NTRK3: variants seen among roughly 807,000 people sequenced by gnomAD.
NTRK3 encodes the protein neurotrophic receptor tyrosine kinase 3.
A neutral mutation model predicts 91.7 loss-of-function variants in NTRK3; 24 were observed. The ratio of observed to expected loss-of-function variants is 0.26; its 90% confidence interval spans 0.19 to 0.37. The LOEUF is 0.37. Among genes scored for constraint, NTRK3 ranks in the 10% least tolerant of loss-of-function variants. The pLI, the probability that NTRK3 is intolerant of heterozygous loss-of-function variation, is 1.00. For missense variants in NTRK3, 880 were observed against 1,068.9 expected (o/e 0.82, Z 2.46); for synonymous variants, 483 against 404.0 (o/e 1.20, Z -2.34).
At chr15:88,128,139 CAG>C (rs1317576377) in intron 11 of NTRK3, among the ~76,000 whole-genome samples, 1 of 152,158 alleles carries the variant, frequency 6.6e-6, no homozygotes, top group Non-Finnish European at 1.5e-5. Flanking sequence ...GGAATAAACA[CAG>C]GTTTCCCTAC....
chr15:88,009,382 A>G (rs546353212), intron 14 of NTRK3, among the ~76,000 whole-genome samples: 23 of 152,228 alleles, frequency 1.5e-4, no homozygotes, highest in Admixed American at 3.9e-4. Flanking sequence ...GACAATAAGG[A>G]GAAAAGGAGA....
intron 14 of NTRK3, among the ~76,000 whole-genome samples, chr15:87,982,239 G>A (rs966543290): frequency 6.6e-5 from 10 of 152,174 alleles, no homozygotes; most frequent in Non-Finnish European, 1.2e-4. Context: ...GATAGCATAA[G>A]AGGCACTGCT....
chr15:88,014,680 C>CA (rs529466642), intron 14 of NTRK3, among the ~76,000 whole-genome samples: 12 of 152,154 alleles, frequency 7.9e-5, no homozygotes, highest in South Asian at 2.1e-4. Flanking sequence ...TTCCACCTGC[C>CA]AAAAAAACAG....
intron 16 of NTRK3, among the ~76,000 whole-genome samples, chr15:87,932,321 G>C (rs1187658560): frequency 6.6e-6 from 1 of 152,164 alleles, no homozygotes; most frequent in Non-Finnish European, 1.5e-5. Context: ...GTGCTTCCCT[G>C]TATGGTAAAA....
chr15:88,199,108 G>C (rs2048073681), intron 3 of NTRK3, among the ~76,000 whole-genome samples: 1 of 152,210 alleles, frequency 6.6e-6, no homozygotes, highest in Non-Finnish European at 1.5e-5. Flanking sequence ...CAGGGACAGG[G>C]TGGGGTGGGG....
intron 17 of NTRK3, among the ~76,000 whole-genome samples, chr15:87,920,436 G>C (rs1396397485): frequency 2.0e-5 from 3 of 152,102 alleles, no homozygotes; most frequent in Non-Finnish European, 4.4e-5. Flanking sequence ...CCAGTCTGTG[G>C]CCACGTCTCC....
At chr15:87,990,307 G>A (rs2075187474) in intron 14 of NTRK3, among the ~76,000 whole-genome samples, 1 of 152,152 alleles carries the variant, frequency 6.6e-6, no homozygotes, top group Admixed American at 6.6e-5. Context: ...GAAGCAGTGA[G>A]TCTAGCTCTG....
In NTRK3 at chr15:88,046,443, T is replaced by C. The variant is rs372948941; in HGVS notation, c.1397-13398A>G. On this transcript the variant is annotated intron_variant, in intron 13 of 18. Coordinates refer to ENST00000394480, the Ensembl canonical transcript of NTRK3. ...GGACACACAAATAAACCAACAGAGA[T>C]GACACATAGGAAGAGCACCATGTTA... Among the ~76,000 whole-genome samples the C allele has an allele frequency of 1.2e-3, 180 of 152,120 alleles. 2 individuals carry two copies. The highest frequency in any genetic ancestry group is 4.1e-3 in the African/African-American group (169 of 41,478).
chr15:87,914,631 T>G (rs1555435856), intron 17 of NTRK3, among the ~76,000 whole-genome samples: 1 of 152,210 alleles, frequency 6.6e-6, no homozygotes, highest in Non-Finnish European at 1.5e-5. Flanking sequence ...CAAGGGAACT[T>G]ATGCTTTATT....
At chr15:88,187,201 T>C (rs995591199) in intron 3 of NTRK3, among the ~76,000 whole-genome samples, 1 of 152,164 alleles carries the variant, frequency 6.6e-6, no homozygotes, top group African/African-American at 2.4e-5. Context: ...AAAAACCCCA[T>C]GTGGCAGAGT....
chr15:88,214,817 G>A (rs1340518109), intron 3 of NTRK3, among the ~76,000 whole-genome samples: 1 of 152,176 alleles, frequency 6.6e-6, no homozygotes, highest in East Asian at 1.9e-4. Context: ...TAACCGGCTG[G>A]GCACACATCT....
At chr15:87,991,268 C>A (rs997846611) in intron 14 of NTRK3, among the ~76,000 whole-genome samples, 1 of 152,188 alleles carries the variant, frequency 6.6e-6, no homozygotes, top group Non-Finnish European at 1.5e-5. Context: ...GGATCTCAGA[C>A]TGACAGCAAC....
At chr15:88,022,162 T>G (rs1025898120) in intron 14 of NTRK3, among the ~76,000 whole-genome samples, 5 of 152,170 alleles carry the variant, frequency 3.3e-5, no homozygotes, top group Non-Finnish European at 5.9e-5. Flanking sequence ...TCTCTCCCTG[T>G]GCATATGAGC....
At chr15:88,177,904 C>A (rs1443245457) in intron 5 of NTRK3, among the ~76,000 whole-genome samples, 1 of 152,198 alleles carries the variant, frequency 6.6e-6, no homozygotes, top group African/African-American at 2.4e-5. Flanking sequence ...AAGGCTAAGA[C>A]CAATCCTATG....
intron 5 of NTRK3, among the ~76,000 whole-genome samples, chr15:88,162,064 G>T (rs1217327058): frequency 6.6e-6 from 1 of 152,162 alleles, no homozygotes; most frequent in Admixed American, 6.5e-5. Context: ...TAATAAACCA[G>T]CAATGCCTGG....
At chr15:88,128,115 A>G (rs1367144729) in intron 11 of NTRK3, among the ~76,000 whole-genome samples, 1 of 152,044 alleles carries the variant, frequency 6.6e-6, no homozygotes, top group Non-Finnish European at 1.5e-5. Context: ...TCCCATGGAG[A>G]AAAAAAAGAA....
At position 88,137,538 on chromosome 15, in the gene NTRK3, T is replaced by A. The variant is rs547862658; in HGVS notation, c.488A>T (p.Asn163Ile). ...CATCCAGCGGATGTCACAGCTGCAG[T>A]TGAAAAAGTTCTGCTCCAACTGCCT... The change falls in exon 7 of 19, where the codon AAC (asparagine) becomes ATC (isoleucine). Residue 163 changes from asparagine to isoleucine, a missense_variant. This residue lies in a region of NTRK3 where 743 missense variants were observed against 868.6 expected (regional missense o/e 0.86). Transcript: ENST00000394480. The A allele has an allele frequency of 3.1e-6, 5 of 1,614,048 alleles. No individual in the cohort carries two copies. In the African/African-American group the frequency reaches 6.7e-5, roughly 22 times the overall value.
chr15:87,871,495 C>T (rs955563395), exon 19 of NTRK3: 3 of 230,018 alleles, frequency 1.3e-5, no homozygotes, highest in East Asian at 6.2e-5. Context: ...GTGCTGGTGG[C>T]GTCTATACCA....
intron 12 of NTRK3, 142 bp from the exon 13 acceptor site, chr15:88,126,515 T>C: frequency 1.7e-6 from 1 of 605,150 alleles, no homozygotes. Flanking sequence ...GAGTAAGGTC[T>C]TTAGAAGAAG....
Sources: gnomAD v4.1 joint callset for allele counts (sites outside exome capture counted in the v4.1 genomes callset) on GRCh38, gnomAD v4.1.1 for gene constraint, gnomAD v4.1.1 regional missense constraint, MANE v1.5 for transcripts, NCBI Gene and HGNC (gene_info 2026-07-23, HGNC 2026-07-21) for gene names.